MTSS1: variants seen among roughly 807,000 people sequenced by gnomAD.
The protein encoded by MTSS1 is MTSS I-BAR domain containing 1.
MTSS1 carries 18 observed loss-of-function variants against 79.0 expected under a neutral mutation model. The observed-to-expected ratio is 0.23, with a 90% CI of 0.16 to 0.34. The LOEUF (loss-of-function observed/expected upper bound fraction) is 0.34. Among genes scored for constraint, MTSS1 ranks in the 10% least tolerant of loss-of-function variants. The pLI is 1.00. For synonymous variants in MTSS1, 341 were observed against 368.6 expected (o/e 0.93, Z 0.86); for missense variants, 815 against 986.2 (o/e 0.83, Z 2.33).
At chr8:124,557,986 T>C in intron 10 of MTSS1, 111 bp from the exon 11 acceptor site, 1 of 831,710 alleles carries the variant, frequency 1.2e-6, no homozygotes, top group South Asian at 1.9e-5. Context: ...CCTGAATATT[T>C]ATAAATAAAA....
intron 3 of MTSS1, among the ~76,000 whole-genome samples, chr8:124,623,349 T>C (rs549902791): frequency 6.6e-6 from 1 of 152,360 alleles, no homozygotes; most frequent in South Asian, 2.1e-4. Flanking sequence ...CAACCACCTT[T>C]GTGAGCAGCA....
chr8:124,718,635 G>A lies in MTSS1; in HGVS notation c.72+9249C>T, dbSNP rs7824238. The stretch of plus-strand genomic sequence containing the variant: ...GTGCTCGGCTGCAGGAGAGGAGTCC[G>A]GCCTCAAAAGGGAGGTCTCCCTGGG... On this transcript the variant is annotated intron_variant, in intron 1 of 13. Transcript: ENST00000518547. 3.3e-3 allele frequency among the ~76,000 whole-genome samples: 503 copies of A among 152,260 alleles called. 1 individual carries two copies. The highest frequency in any genetic ancestry group is 0.012 in the African/African-American group (479 of 41,544).
chr8:124,555,928 C>T (rs748251738), intron 12 of MTSS1, 24 bp from the exon 13 acceptor site: 2 of 1,581,790 alleles, frequency 1.3e-6, no homozygotes, highest in African/African-American at 1.4e-5. Flanking sequence ...GAGAGAAATA[C>T]ACAGGTTGCT....
rs1008775236 is a variant in MTSS1 at position 124,582,213 on chromosome 8, T to C, written c.460+2874A>G. On this transcript the variant is annotated intron_variant, in intron 6 of 13. Transcript: ENST00000518547. This position sits in a 1 kb window ranked among gnomAD's most constrained non-coding sequence, Gnocchi z 4.8. The stretch of plus-strand genomic sequence containing the variant: ...GGCACACTCATCCACAGCCATAGCA[T>C]ATCCCAAGCTGCTAAAAAATGATTT... 2.6e-5 allele frequency among the ~76,000 whole-genome samples: 4 copies of C among 152,226 alleles called. No homozygotes were observed. The highest frequency in any genetic ancestry group is 9.6e-5 in the African/African-American group (4 of 41,452).
chr8:124,587,764 C>T (rs776126529), intron 5 of MTSS1, among the ~76,000 whole-genome samples: 3 of 152,186 alleles, frequency 2.0e-5, no homozygotes, highest in African/African-American at 7.2e-5. Flanking sequence ...CTCGGCCTCC[C>T]AAAATGCTGG....
intron 3 of MTSS1, among the ~76,000 whole-genome samples, chr8:124,694,062 G>T (rs553678245): frequency 6.6e-6 from 1 of 152,236 alleles, no homozygotes; most frequent in Non-Finnish European, 1.5e-5. Context: ...TCTAACTACC[G>T]CATATAGACT....
chr8:124,648,723 ACTGAC>A (rs1418913783), intron 3 of MTSS1, among the ~76,000 whole-genome samples: 1 of 146,750 alleles, frequency 6.8e-6, no homozygotes, highest in African/African-American at 2.7e-5. Flanking sequence ...CCCCCCAGAT[ACTGAC>A]CAGACGGTGT....
chr8:124,659,032 C>G (rs2134329577), intron 3 of MTSS1, among the ~76,000 whole-genome samples: 1 of 152,272 alleles, frequency 6.6e-6, no homozygotes, highest in African/African-American at 2.4e-5. Flanking sequence ...TGAATCTGAA[C>G]AAACCCCAGC....
Position 124,727,904 on chromosome 8 carries a change from T to C in MTSS1, c.52A>G (p.Thr18Ala), listed in dbSNP as rs1212333753. 7 of 1,608,530 alleles carry C rather than the reference T, an allele frequency of 4.4e-6. No homozygotes were observed. The highest frequency in any genetic ancestry group is 1.3e-5 in the African/African-American group (1 of 74,324). Residue 18 changes from threonine (T) to alanine (A), a missense_variant, in exon 1 of 14, where the codon ACC becomes GCC. Thr to Ala is a moderately conservative substitution (Grantham distance 58). This residue lies in a region of MTSS1 where 225 missense variants were observed against 365.4 expected (regional missense o/e 0.62). Transcript: ENST00000518547. The surrounding 1 kb of genome is among the most constrained non-coding windows in gnomAD (Gnocchi z 4.7). ...ECSALGGLFQ[T>A]IISDMKGSYP... is the part of the protein sequence containing the mutation. ...CCTACCTTCATGTCGCTGATGATGG[T>C]CTGGAAGAGGCCTCCGAGCGCGCTG...
At chr8:124,593,435 G>C (rs1205325463) in intron 3 of MTSS1, among the ~76,000 whole-genome samples, 1 of 152,192 alleles carries the variant, frequency 6.6e-6, no homozygotes, top group Admixed American at 6.5e-5. Context: ...ATGATTAAGA[G>C]TGAAAGAAAG....
intron 3 of MTSS1, among the ~76,000 whole-genome samples, chr8:124,638,322 T>C (rs902705357): frequency 1.5e-4 from 23 of 152,202 alleles, no homozygotes; most frequent in African/African-American, 5.1e-4. Flanking sequence ...CTTCAACCCA[T>C]GGAGCTAAGA....
chr8:124,568,525 T>C lies in MTSS1; in HGVS notation c.472A>G (p.Ile158Val). ...AGAGCACTGTCCAACTGAGGCTGGATATCACCTCTCCCTGCAAAAAACAGA... is the reference window on the plus strand; with the variant it reads ...AGAGCACTGTCCAACTGAGGCTGGACATCACCTCTCCCTGCAAAAAACAGA... Reference protein sequence around the residue: ...QKKAKKGRGDIQPQLDSALQD... With the variant: ...QKKAKKGRGDVQPQLDSALQD... Residue 158 changes from isoleucine (I) to valine (V), a missense_variant, in exon 7 of 14, where the codon ATC (isoleucine) becomes GTC (valine). Coordinates refer to ENST00000518547, the MANE Select transcript of MTSS1 (RefSeq NM_014751.6). 5 of 1,614,200 alleles carry C rather than the reference T, an allele frequency of 3.1e-6. No homozygotes were observed. Among genetic ancestry groups the C allele is most frequent in the Non-Finnish European group, 4.2e-6 (5 of 1,180,044 alleles).
chr8:124,623,562 C>G (rs1202625743), intron 3 of MTSS1, among the ~76,000 whole-genome samples: 1 of 152,162 alleles, frequency 6.6e-6, no homozygotes, highest in Non-Finnish European at 1.5e-5. Context: ...ATTAACTGTC[C>G]AATTTAAGCA....
At chr8:124,600,572 G>A (rs551787166) in intron 3 of MTSS1, among the ~76,000 whole-genome samples, 1 of 152,176 alleles carries the variant, frequency 6.6e-6, no homozygotes, top group Non-Finnish European at 1.5e-5. Context: ...TAGGCAGAGC[G>A]GTGATGTAGC....
At chr8:124,657,659 A>G (rs2134300656) in intron 3 of MTSS1, among the ~76,000 whole-genome samples, 1 of 152,316 alleles carries the variant, frequency 6.6e-6, no homozygotes. Context: ...GGACAAGAGC[A>G]CGTTCACACG....
At chr8:124,568,057 T>C in intron 7 of MTSS1, 1 of 985,288 alleles carries the variant, frequency 1.0e-6, no homozygotes, top group Non-Finnish European at 1.4e-6. Flanking sequence ...TTGGTGGGTC[T>C]GGGTTGGGCC....
Position 124,553,207 on chromosome 8 carries a change from C to G in MTSS1, c.2053G>C (p.Glu685Gln). Residue 685 changes from glutamate (E) to glutamine (Q), a missense_variant, in exon 14 of 14, where the codon GAG (glutamate) becomes CAG (glutamine). Coordinates refer to ENST00000518547, the MANE Select transcript of MTSS1 (RefSeq NM_014751.6). The surrounding 1 kb of genome is among the most constrained non-coding windows in gnomAD (Gnocchi z 6.0). ...CTTTCTGGAATTGCCTGTCTGTGCT[C>G]CTCAGGGATACTGGGCTTCGGGCCT... ...LPGPKPSIPEEHRQAIPESEA... is the reference protein window; with the variant it reads ...LPGPKPSIPEQHRQAIPESEA... The G allele has an allele frequency of 6.2e-7, 1 of 1,614,146 alleles. No homozygotes were observed. The highest frequency in any genetic ancestry group is 1.3e-5 in the African/African-American group (1 of 75,016).
chr8:124,694,182 C>T (rs1366830600), intron 3 of MTSS1, among the ~76,000 whole-genome samples: 3 of 152,090 alleles, frequency 2.0e-5, no homozygotes, highest in Non-Finnish European at 4.4e-5. Context: ...CGCCTGTAAG[C>T]CTGTGCCCTT....
chr8:124,575,693 A>G (rs1259848953), intron 6 of MTSS1, among the ~76,000 whole-genome samples: 7 of 152,210 alleles, frequency 4.6e-5, no homozygotes, highest in Non-Finnish European at 1.0e-4. Context: ...GAGTTTTATC[A>G]TCAAGATTCT....
Sources: gnomAD v4.1 joint callset for allele counts (sites outside exome capture counted in the v4.1 genomes callset) on GRCh38, gnomAD v4.1.1 for gene constraint, gnomAD v4.1.1 regional missense constraint, Gnocchi (gnomAD v3.1) non-coding constraint, MANE v1.5 for transcripts, NCBI Gene and HGNC (gene_info 2026-07-23, HGNC 2026-07-21) for gene names.